Variants in PDZD2 observed in about 807,000 individuals in gnomAD.
The protein encoded by PDZD2 is PDZ domain-containing protein 2.
In PDZD2, 90 loss-of-function variants were observed where a neutral mutation model predicts 220.7. That is an observed-to-expected ratio of 0.41 (90% CI 0.34 to 0.49). The LOEUF (loss-of-function observed/expected upper bound fraction) is 0.49, where lower values mean the gene tolerates loss of function less well. Ranked by LOEUF, PDZD2 falls within the 20% of genes least tolerant of loss-of-function variation. The pLI is 0.28. For synonymous variants in PDZD2, 1,375 were observed against 1,450.5 expected, an observed-to-expected ratio of 0.95 and a Z score of 1.18; for missense variants, 3,174 against 3,608.5, an observed-to-expected ratio of 0.88 and a Z score of 3.08.
chr5:31,684,750 ATG>A (rs1746784364), intron 1 of PDZD2, among the ~76,000 whole-genome samples: 1 of 151,860 alleles, frequency 6.6e-6, no homozygotes, highest in Non-Finnish European at 1.5e-5. Context: ...TTGTTTCGTG[ATG>A]TGTGAACTCA....
At chr5:32,079,028 G>T (rs566910063) in intron 19 of PDZD2, among the ~76,000 whole-genome samples, 5 of 151,908 alleles carry the variant, frequency 3.3e-5, no homozygotes, top group African/African-American at 7.2e-5. Flanking sequence ...GGATGCCAAG[G>T]GGGGGCCGAT....
chr5:31,690,213 T>C (rs138371453), intron 1 of PDZD2, among the ~76,000 whole-genome samples: 3,598 of 152,190 alleles, frequency 0.024, 83 homozygotes, highest in South Asian at 0.074. Context: ...GTTGCATTTC[T>C]TCTGGGTCCA....
Position 32,000,202 on chromosome 5 carries a change from C to T in PDZD2, c.1185C>T (p.Leu395=). ...TCAATGGTCATTTACTGGTCGGGCTCTCCCACGAGGAAGCAGTGGCCATTC... is the reference window on the plus strand; with the variant it reads ...TCAATGGTCATTTACTGGTCGGGCTTTCCCACGAGGAAGCAGTGGCCATTC... ...LVINGHLLVG[L]SHEEAVAILR... Residue 395 remains leucine (L), a synonymous_variant, in exon 5 of 25, where the codon CTC becomes CTT. Transcript: ENST00000438447. The surrounding 1 kb of genome is among the most constrained non-coding windows in gnomAD (Gnocchi z 4.5). 6.2e-7 allele frequency: 1 copy of T among 1,614,062 alleles called. No individual in the cohort carries two copies. Among genetic ancestry groups the T allele is most frequent in the Non-Finnish European group, 8.5e-7 (1 of 1,179,928 alleles).
intron 21 of PDZD2, among the ~76,000 whole-genome samples, chr5:32,093,492 T>G (rs1743372447): frequency 6.6e-6 from 1 of 152,180 alleles, no homozygotes; most frequent in Non-Finnish European, 1.5e-5. Flanking sequence ...GTTGGGGCAC[T>G]GACCTTCGAG....
intron 5 of PDZD2, among the ~76,000 whole-genome samples, chr5:32,006,960 G>A (rs1752871961): frequency 8.5e-6 from 1 of 118,218 alleles, no homozygotes; most frequent in African/African-American, 3.0e-5. Context: ...CTGTCTCCCA[G>A]GCTGGAGTGC....
intron 6 of PDZD2, among the ~76,000 whole-genome samples, chr5:32,014,547 A>T (rs1581277748): frequency 6.6e-6 from 1 of 151,722 alleles, no homozygotes; most frequent in African/African-American, 2.4e-5. Context: ...GCCACGACTC[A>T]CCCCCACTGT....
chr5:31,907,456 T>C (rs1357097030), intron 2 of PDZD2, among the ~76,000 whole-genome samples: 4 of 152,186 alleles, frequency 2.6e-5, no homozygotes, highest in Non-Finnish European at 5.9e-5. Flanking sequence ...CTCTAACATG[T>C]GTATTTTGAG....
At chr5:31,852,510 T>A (rs1374366099) in intron 2 of PDZD2, among the ~76,000 whole-genome samples, 1 of 151,884 alleles carries the variant, frequency 6.6e-6, no homozygotes, top group East Asian at 1.9e-4. Flanking sequence ...GCTCTCAAAC[T>A]TCTGACCTCA....
intron 6 of PDZD2, among the ~76,000 whole-genome samples, chr5:32,027,693 G>A (rs1034485373): frequency 4.6e-5 from 7 of 152,200 alleles, no homozygotes; most frequent in Admixed American, 3.3e-4. Context: ...GGAAAGCAGC[G>A]GGTCGAGTGT....
At chr5:31,650,693 C>T (rs548405254) in intron 1 of PDZD2, among the ~76,000 whole-genome samples, 169 of 152,170 alleles carry the variant, frequency 1.1e-3, no homozygotes, top group Admixed American at 7.2e-4. Flanking sequence ...TTCTTTGAAC[C>T]CTTAAAGGGA....
rs1286216004 is a variant in PDZD2, at chr5:31,750,620, C to T, written c.-360-48269C>T. ...TCCAGGGAGGATATTTGGGAAGGTC[C>T]GAGTGGGTGCTGTGACGGGCAGATC... On this transcript the variant is annotated intron_variant, in intron 1 of 24. Coordinates refer to ENST00000438447, the MANE Select transcript of PDZD2 (RefSeq NM_178140.4). Among the ~76,000 whole-genome samples, 4 of 152,066 alleles carry T rather than the reference C, an allele frequency of 2.6e-5. No individual in the cohort carries two copies. The South Asian group carries it at 6.2e-4, about 24-fold the overall frequency.
intron 2 of PDZD2, among the ~76,000 whole-genome samples, chr5:31,808,699 G>T (rs1016420412): frequency 2.6e-5 from 4 of 152,152 alleles, no homozygotes; most frequent in Non-Finnish European, 5.9e-5. Flanking sequence ...TAATGAGGCT[G>T]GGCATAGTGG....
At chr5:31,936,868 C>T (rs991983759) in intron 2 of PDZD2, among the ~76,000 whole-genome samples, 1 of 152,152 alleles carries the variant, frequency 6.6e-6, no homozygotes, top group Non-Finnish European at 1.5e-5. Flanking sequence ...AATGTTTTCT[C>T]CATTAAGGCA....
chr5:31,989,411 A>ATTTTTTTT (rs1750998850), intron 3 of PDZD2, among the ~76,000 whole-genome samples: 1 of 121,702 alleles, frequency 8.2e-6, no homozygotes, highest in African/African-American at 3.6e-5. Context: ...TATATACCAC[A>ATTTTTTTT]TTTTCTTTTC....
chr5:31,887,895 G>A (rs1740662289), intron 2 of PDZD2, among the ~76,000 whole-genome samples: 1 of 152,164 alleles, frequency 6.6e-6, no homozygotes, highest in Non-Finnish European at 1.5e-5. Context: ...GTTACACATA[G>A]CTTTGAAAGG....
intron 2 of PDZD2, among the ~76,000 whole-genome samples, chr5:31,854,475 C>T (rs1292971862): frequency 1.3e-5 from 2 of 152,236 alleles, no homozygotes; most frequent in Non-Finnish European, 2.9e-5. Flanking sequence ...GGAAAGTTCC[C>T]TGACATCCTG....
intron 2 of PDZD2, among the ~76,000 whole-genome samples, chr5:31,838,208 C>G (rs1757064335): frequency 6.7e-6 from 1 of 150,262 alleles, no homozygotes; most frequent in African/African-American, 2.4e-5. Flanking sequence ...CAGGTGCCCT[C>G]CATCACACCC....
At chr5:31,868,811 A>G (rs1469194984) in intron 2 of PDZD2, among the ~76,000 whole-genome samples, 3 of 152,118 alleles carry the variant, frequency 2.0e-5, no homozygotes, top group African/African-American at 4.8e-5. Context: ...TTGCTCTTTC[A>G]CCCAGGCTGG....
chr5:32,086,306 G>A lies in PDZD2; in HGVS notation c.3683-825G>A, dbSNP rs1055273393. ...TACTGGGACTGAGAGGTCCATGAGGGCCCTGCTGCATCCACGCAGGAGTAG... is the reference window on the plus strand; with the variant it reads ...TACTGGGACTGAGAGGTCCATGAGGACCCTGCTGCATCCACGCAGGAGTAG... On this transcript the variant is annotated intron_variant, in intron 19 of 24. Coordinates refer to ENST00000438447, the MANE Select transcript of PDZD2 (RefSeq NM_178140.4). 3.3e-5 allele frequency among the ~76,000 whole-genome samples: 5 copies of A among 152,202 alleles called. No individual in the cohort carries two copies. The East Asian group carries it at 9.6e-4, about 29-fold the overall frequency.
Sources: allele counts gnomAD v4.1 joint callset (sites outside exome capture counted in the v4.1 genomes callset), GRCh38; gene constraint gnomAD v4.1.1; non-coding constraint Gnocchi (gnomAD v3.1); transcripts MANE v1.5; gene names NCBI Gene and HGNC (gene_info 2026-07-23, HGNC 2026-07-21).